The following CAMTA1 variants were observed in gnomAD, a reference collection of about 807,000 sequenced individuals.
The protein encoded by CAMTA1 is calmodulin binding transcription activator 1.
Under a neutral mutation model 170.9 loss-of-function variants are expected in CAMTA1, and 27 were observed. That is an observed-to-expected ratio of 0.16 (90% CI 0.12 to 0.22). CAMTA1 has a LOEUF of 0.22. CAMTA1 is among the 10% of genes least tolerant of loss of function. CAMTA1 has a pLI of 1.00. For synonymous variants in CAMTA1, 833 were observed against 891.5 expected (o/e 0.93, Z 1.17); for missense variants, 1,619 against 2,217.2 (o/e 0.73, Z 5.42).
At chr1:7,676,459 T>C (rs2096121927) in intron 10 of CAMTA1, among the ~76,000 whole-genome samples, 2 of 152,208 alleles carry the variant, frequency 1.3e-5, no homozygotes, top group Non-Finnish European at 2.9e-5. Flanking sequence ...CGGCCACCGG[T>C]CAATGAGCTG....
intron 3 of CAMTA1, chr1:6,872,032 G>T: frequency 9.2e-7 from 1 of 1,088,318 alleles, no homozygotes. Flanking sequence ...TGTAATCTGT[G>T]TTTTCATCCT....
intron 16 of CAMTA1, among the ~76,000 whole-genome samples, chr1:7,742,883 C>T (rs373614608): frequency 6.6e-6 from 1 of 152,124 alleles, no homozygotes; most frequent in Non-Finnish European, 1.5e-5. Flanking sequence ...GGCTGGAGTG[C>T]GGTGGTGCCA....
rs549161071 is a variant in CAMTA1, at chr1:7,570,667, G to A, written c.511-69733G>A. Among the ~76,000 whole-genome samples, 138 of 152,374 alleles carry A rather than the reference G, an allele frequency of 9.1e-4. No individual in the cohort carries two copies. The highest frequency in any genetic ancestry group is 3.2e-3 in the African/African-American group (135 of 41,588). On this transcript the variant is annotated intron_variant, in intron 6 of 22. Coordinates refer to ENST00000303635, the MANE Select transcript of CAMTA1 (RefSeq NM_015215.4). The surrounding 1 kb of genome is among the most constrained non-coding windows in gnomAD (Gnocchi z 4.3). ...AGCCTGGCACTGCCCTGTTCACCAA[G>A]GCCAAGGTCCTGTCAGCCTCCTGCT...
At chr1:7,618,151 C>G (rs1027817968) in intron 6 of CAMTA1, among the ~76,000 whole-genome samples, 2 of 152,238 alleles carry the variant, frequency 1.3e-5, no homozygotes, top group Admixed American at 6.5e-5. Context: ...TCACATCACA[C>G]TGGCACATCA....
intron 6 of CAMTA1, among the ~76,000 whole-genome samples, chr1:7,494,115 T>G (rs1412681439): frequency 2.6e-5 from 4 of 151,680 alleles, no homozygotes; most frequent in African/African-American, 9.7e-5. Flanking sequence ...GAGATGCAGA[T>G]TTCATGGACT....
At chr1:7,331,630 T>G (rs1453145805) in intron 5 of CAMTA1, among the ~76,000 whole-genome samples, 1 of 152,186 alleles carries the variant, frequency 6.6e-6, no homozygotes, top group Non-Finnish European at 1.5e-5. Flanking sequence ...GAGCAGGGTC[T>G]AGAACCCCCT....
chr1:7,601,011 T>C (rs77974205), intron 6 of CAMTA1, among the ~76,000 whole-genome samples: 105,838 of 151,964 alleles, frequency 0.7, 38,266 homozygotes, highest in African/African-American at 0.9. Context: ...ACCTCCCAGA[T>C]GGGGTGGTGG....
rs564847271 is a variant in CAMTA1 at position 6,809,347 on chromosome 1, G to A, written c.46-10834G>A. On this transcript the variant is annotated intron_variant, in intron 1 of 22. Coordinates refer to ENST00000303635, the MANE Select transcript of CAMTA1 (RefSeq NM_015215.4). Reference sequence around the variant, plus strand: ...TGGCCGGTATCGCTGTTTTTAAGGCGTCATTGGGTAGCTTTAGAATGTGTA... The same window carrying A: ...TGGCCGGTATCGCTGTTTTTAAGGCATCATTGGGTAGCTTTAGAATGTGTA... Among the ~76,000 whole-genome samples the A allele has an allele frequency of 3.9e-5, 6 of 152,222 alleles. No homozygotes were observed. The East Asian group carries it at 7.7e-4, about 20-fold the overall frequency.
chr1:7,122,575 C>T (rs894996147), intron 4 of CAMTA1, among the ~76,000 whole-genome samples: 4 of 152,256 alleles, frequency 2.6e-5, no homozygotes, highest in Admixed American at 6.5e-5. Flanking sequence ...ACCAGCATGC[C>T]GTCTGAGCAT....
At chr1:6,822,916 G>A (rs1646678964) in intron 2 of CAMTA1, among the ~76,000 whole-genome samples, 1 of 151,972 alleles carries the variant, frequency 6.6e-6, no homozygotes, top group South Asian at 2.1e-4. Context: ...ATCAGATTGT[G>A]ATCACAAACA....
At chr1:6,788,547 T>C (rs563388827) in intron 1 of CAMTA1, among the ~76,000 whole-genome samples, 2 of 152,348 alleles carry the variant, frequency 1.3e-5, no homozygotes, top group South Asian at 2.1e-4. Flanking sequence ...TCTGTGTCTG[T>C]AGTCAGCTTG....
chr1:7,744,063 G>A (rs1181060776), intron 16 of CAMTA1, among the ~76,000 whole-genome samples: 1 of 150,504 alleles, frequency 6.6e-6, no homozygotes, highest in Non-Finnish European at 1.5e-5. Context: ...TCCTGACCTC[G>A]TGATCCGCCA....
Position 7,355,519 on chromosome 1 carries a change from C to G in CAMTA1, c.438+105893C>G, listed in dbSNP as rs1179830705. ...TCCTTATTTAATCACTCAGCCAACC[C>G]TTACACCCCTACCCCCAAAATATAG... On this transcript the variant is annotated intron_variant, in intron 5 of 22. Coordinates refer to ENST00000303635, the MANE Select transcript of CAMTA1 (RefSeq NM_015215.4). 3.4e-4 allele frequency among the ~76,000 whole-genome samples: 52 copies of G among 152,232 alleles called. 1 individual carries two copies. Among genetic ancestry groups the G allele is most frequent in the Non-Finnish European group, 1.3e-4 (9 of 68,040 alleles).
chr1:7,188,253 C>T (rs1653839906), intron 4 of CAMTA1, among the ~76,000 whole-genome samples: 1 of 152,162 alleles, frequency 6.6e-6, no homozygotes, highest in Non-Finnish European at 1.5e-5. Context: ...GACAGAAAGC[C>T]TAACCATATC....
intron 5 of CAMTA1, among the ~76,000 whole-genome samples, chr1:7,341,825 G>T (rs2083856005): frequency 6.6e-6 from 1 of 152,210 alleles, no homozygotes; most frequent in Non-Finnish European, 1.5e-5. Context: ...TGAGAATTAA[G>T]TTTCAGAAGG....
At chr1:7,582,493 A>T (rs549948263) in intron 6 of CAMTA1, among the ~76,000 whole-genome samples, 1 of 152,128 alleles carries the variant, frequency 6.6e-6, no homozygotes, top group Non-Finnish European at 1.5e-5. Flanking sequence ...CAGAGGCTCA[A>T]TGGATAAAGG....
chr1:7,014,630 G>A lies in CAMTA1; in HGVS notation c.235-76674G>A, dbSNP rs562490640. ...GCGTGCGAGCTTGGTCCCTTAACACGGAGTCTGGAATTGTTTCTCATAACC... is the reference window on the plus strand; with the variant it reads ...GCGTGCGAGCTTGGTCCCTTAACACAGAGTCTGGAATTGTTTCTCATAACC... On this transcript the variant is annotated intron_variant, in intron 3 of 22. Coordinates refer to ENST00000303635, the MANE Select transcript of CAMTA1 (RefSeq NM_015215.4). This position sits in a 1 kb window ranked among gnomAD's most constrained non-coding sequence, Gnocchi z 4.2. 3.3e-5 allele frequency among the ~76,000 whole-genome samples: 5 copies of A among 152,302 alleles called. No individual in the cohort carries two copies. Among genetic ancestry groups the A allele is most frequent in the South Asian group, 2.1e-4 (1 of 4,828 alleles).
intron 3 of CAMTA1, among the ~76,000 whole-genome samples, chr1:6,985,958 G>A (rs931841931): frequency 3.3e-5 from 5 of 152,180 alleles, no homozygotes; most frequent in African/African-American, 9.7e-5. Context: ...TCTGACTACC[G>A]GCGATTAACT....
rs1171999730 is a variant in CAMTA1, at chr1:7,570,884, GT to G, written c.511-69515del. Among the ~76,000 whole-genome samples the G allele has an allele frequency of 7.9e-5, 12 of 152,220 alleles. No individual in the cohort carries two copies. The highest frequency in any genetic ancestry group is 2.9e-4 in the African/African-American group (12 of 41,448). ...CTGGCCTCCCCCATGAACCAGCTGG[GT>G]GATGTCAGGAGGCTCCTTAACCACT... On this transcript the variant is annotated intron_variant, in intron 6 of 22. Coordinates refer to ENST00000303635, the MANE Select transcript of CAMTA1 (RefSeq NM_015215.4). This position sits in a 1 kb window ranked among gnomAD's most constrained non-coding sequence, Gnocchi z 4.3.
Sources: gnomAD v4.1 joint callset for allele counts (sites outside exome capture counted in the v4.1 genomes callset) on GRCh38, gnomAD v4.1.1 for gene constraint, Gnocchi (gnomAD v3.1) non-coding constraint, MANE v1.5 for transcripts, NCBI Gene and HGNC (gene_info 2026-07-23, HGNC 2026-07-21) for gene names.